The following WDR49 variants were observed in gnomAD, a reference collection of about 807,000 sequenced individuals.
WDR49 encodes the protein cilia- and flagella-associated protein 337.
Under a neutral mutation model 119.5 loss-of-function variants are expected in WDR49, and 107 were observed. That is an observed-to-expected ratio of 0.90 (90% CI 0.77 to 1.05). WDR49 has a LOEUF of 1.05. Ranked by LOEUF, WDR49 falls within the 50% of genes least tolerant of loss-of-function variation. The probability of loss-of-function intolerance (pLI) is 0.00; values close to 1 mark genes in which losing one functional copy is unlikely to be tolerated. For missense variants in WDR49, 1,240 were observed against 1,220.5 expected, an observed-to-expected ratio of 1.02 and a Z score of -0.24; for synonymous variants, 425 against 418.8, an observed-to-expected ratio of 1.01 and a Z score of -0.18.
chr3:167,653,235 A>G, intron 2 of WDR49, 26 bp downstream of exon 2: 1 of 1,535,854 alleles, frequency 6.5e-7, no homozygotes, highest in South Asian at 1.2e-5. Flanking sequence ...AACTCAAACT[A>G]TCTGGTCAAT....
chr3:167,527,978 C>T lies in WDR49; in HGVS notation c.2446G>A (p.Ala816Thr), dbSNP rs753361983. The T allele has an allele frequency of 1.3e-5, 21 of 1,612,760 alleles. No homozygotes were observed. The Admixed American group carries it at 1.8e-4, about 14-fold the overall frequency. The change falls in exon 15 of 19, where the codon GCC (alanine) becomes ACC (threonine). Residue 816 changes from alanine to threonine, a missense_variant. Physicochemically the swap from Ala to Thr is moderately conservative, Grantham distance 58. Coordinates refer to ENST00000682715, the MANE Select transcript of WDR49 (RefSeq NM_001366157.1). ...LNSSKNKITK[A>T]PTLIRSFQPH... ...TGGAATGATCTTATCAGAGTTGGGGCCTTGGTGATTTTGTTCTTACTGGAG... is the reference window on the plus strand; with the variant it reads ...TGGAATGATCTTATCAGAGTTGGGGTCTTGGTGATTTTGTTCTTACTGGAG...
chr3:167,577,762 A>G (rs534714570), intron 7 of WDR49, among the ~76,000 whole-genome samples: 1 of 152,150 alleles, frequency 6.6e-6, no homozygotes, highest in Admixed American at 6.5e-5. Flanking sequence ...TAAATTATCT[A>G]TAAAAGATAG....
intron 3 of WDR49, among the ~76,000 whole-genome samples, chr3:167,622,463 C>A (rs1255396880): frequency 6.6e-6 from 1 of 152,100 alleles, no homozygotes; most frequent in Non-Finnish European, 1.5e-5. Context: ...TTAAAATCAC[C>A]ATTCTGCCAA....
At position 167,483,281 on chromosome 3, in the gene WDR49, T is replaced by A. The variant is rs78277117; in HGVS notation, c.3032-4285A>T. 2.8e-4 allele frequency among the ~76,000 whole-genome samples: 43 copies of A among 152,316 alleles called. No homozygotes were observed. In the East Asian group the frequency reaches 7.3e-3, roughly 26 times the overall value. On this transcript the variant is annotated intron_variant, in intron 18 of 18. Transcript: ENST00000682715. ...TTAGCACTTTAGAATCACAAGCAAT[T>A]CAGAATGCCTTTGAGCCCTTCTGAA...
At chr3:167,598,224 G>A (rs539562057) in intron 7 of WDR49, among the ~76,000 whole-genome samples, 22 of 151,848 alleles carry the variant, frequency 1.4e-4, no homozygotes, top group African/African-American at 3.4e-4. Context: ...AGAATTGCTC[G>A]AACCTAGGAG....
chr3:167,607,855 G>T (rs1716138317), intron 5 of WDR49, among the ~76,000 whole-genome samples: 1 of 151,846 alleles, frequency 6.6e-6, no homozygotes, highest in Non-Finnish European at 1.5e-5. Flanking sequence ...TGTCTTCCTT[G>T]CTTTCTCTCA....
At chr3:167,541,503 A>G (rs1711832238) in intron 10 of WDR49, among the ~76,000 whole-genome samples, 1 of 152,122 alleles carries the variant, frequency 6.6e-6, no homozygotes, top group South Asian at 2.1e-4. Flanking sequence ...AGAGTTAACA[A>G]CTACCAAGCC....
At chr3:167,648,130 T>C (rs1559932093) in intron 2 of WDR49, among the ~76,000 whole-genome samples, 1 of 152,188 alleles carries the variant, frequency 6.6e-6, no homozygotes, top group South Asian at 2.1e-4. Context: ...GAGAATTCAA[T>C]TGAATATTTT....
At chr3:167,580,730 G>A (rs1714488748) in intron 7 of WDR49, among the ~76,000 whole-genome samples, 1 of 151,990 alleles carries the variant, frequency 6.6e-6, no homozygotes, top group Admixed American at 6.6e-5. Context: ...TGACAAAAAT[G>A]TCACTTAAAT....
intron 2 of WDR49, among the ~76,000 whole-genome samples, chr3:167,647,800 C>G (rs753779431): frequency 6.6e-6 from 1 of 152,100 alleles, no homozygotes; most frequent in South Asian, 2.1e-4. Flanking sequence ...CACTGAGATG[C>G]CTTTAGAAAG....
At chr3:167,601,679 A>G (rs1326434314) in intron 7 of WDR49, among the ~76,000 whole-genome samples, 1 of 152,166 alleles carries the variant, frequency 6.6e-6, no homozygotes, top group East Asian at 1.9e-4. Context: ...CATTTAATTA[A>G]AAGGTTCTTA....
intron 9 of WDR49, among the ~76,000 whole-genome samples, chr3:167,558,426 A>G (rs1199546270): frequency 6.6e-6 from 1 of 152,214 alleles, no homozygotes; most frequent in African/African-American, 2.4e-5. Flanking sequence ...TTCATAGAAT[A>G]TGGTCAGAGA....
intron 16 of WDR49, among the ~76,000 whole-genome samples, chr3:167,505,722 G>A (rs6797227): frequency 0.5 from 75,704 of 151,910 alleles, 18,870 homozygotes; most frequent in East Asian, 0.52. Flanking sequence ...ACAGAAACAC[G>A]TACATTATCC....
chr3:167,482,553 C>A (rs896596066), intron 18 of WDR49, among the ~76,000 whole-genome samples: 10 of 151,108 alleles, frequency 6.6e-5, no homozygotes, highest in Admixed American at 6.6e-4. Context: ...GTGGTGGGCG[C>A]CTGTGGTCCC....
chr3:167,494,896 C>G (rs1350622274), intron 18 of WDR49, among the ~76,000 whole-genome samples: 2 of 152,154 alleles, frequency 1.3e-5, no homozygotes, highest in African/African-American at 2.4e-5. Flanking sequence ...AAAGGAGAAG[C>G]CTAAAGCAGA....
At chr3:167,643,638 T>C (rs1468872694) in intron 2 of WDR49, among the ~76,000 whole-genome samples, 1 of 152,102 alleles carries the variant, frequency 6.6e-6, no homozygotes, top group Non-Finnish European at 1.5e-5. Context: ...GGCATTATGG[T>C]TATCTAGAAG....
rs557171218 is a variant in WDR49 at position 167,586,901 on chromosome 3, C to T, written c.1276-10750G>A. On this transcript the variant is annotated intron_variant, in intron 7 of 18. Coordinates refer to ENST00000682715, the MANE Select transcript of WDR49 (RefSeq NM_001366157.1). ...GACTCTAAAGACATTTTTTCACTTG[C>T]TTTTACGTTATAAAACCTCTCGGGG... 2.0e-5 allele frequency among the ~76,000 whole-genome samples: 3 copies of T among 152,098 alleles called. No individual in the cohort carries two copies. The East Asian group carries it at 5.8e-4, about 29-fold the overall frequency.
At chr3:167,517,240 T>C (rs975378473) in intron 16 of WDR49, among the ~76,000 whole-genome samples, 2 of 152,088 alleles carry the variant, frequency 1.3e-5, no homozygotes, top group Non-Finnish European at 2.9e-5. Flanking sequence ...AGAACAAAGC[T>C]GGAGGCATCA....
At chr3:167,527,274 G>A (rs1752670059) in intron 15 of WDR49, among the ~76,000 whole-genome samples, 1 of 152,150 alleles carries the variant, frequency 6.6e-6, no homozygotes, top group South Asian at 2.1e-4. Context: ...TCCCTCCTGA[G>A]TTGAGCAATT....
Sources: gnomAD v4.1 joint callset for allele counts (sites outside exome capture counted in the v4.1 genomes callset) on GRCh38, gnomAD v4.1.1 for gene constraint, MANE v1.5 for transcripts, NCBI Gene and HGNC (gene_info 2026-07-23, HGNC 2026-07-21) for gene names.